The following CRACD variants were observed in gnomAD, a reference collection of about 807,000 sequenced individuals.
CRACD encodes the protein capping protein-inhibiting regulator of actin dynamics.
In CRACD, 56 loss-of-function variants were observed where a neutral mutation model predicts 106.8. The observed-to-expected ratio is 0.52, with a 90% confidence interval of 0.42 to 0.66. The LOEUF (loss-of-function observed/expected upper bound fraction) is 0.66. CRACD is among the 30% of genes least tolerant of loss of function. CRACD has a pLI of 0.00. For synonymous variants in CRACD, 754 were observed against 670.8 expected, an observed-to-expected ratio of 1.12 and a Z score of -1.92; for missense variants, 1,730 against 1,623.2, an observed-to-expected ratio of 1.07 and a Z score of -1.13.
chr4:56,061,696 T>C (rs1732284763), intron 1 of CRACD, among the ~76,000 whole-genome samples: 1 of 152,080 alleles, frequency 6.6e-6, no homozygotes, highest in African/African-American at 2.4e-5. Flanking sequence ...TACCATCAGA[T>C]TGTGATGAGT....
At chr4:56,234,756 G>T (rs1247480522) in intron 2 of CRACD, among the ~76,000 whole-genome samples, 1 of 152,128 alleles carries the variant, frequency 6.6e-6, no homozygotes, top group Non-Finnish European at 1.5e-5. Context: ...CTAGAAATTG[G>T]GAAACGGTGG....
intron 1 of CRACD, among the ~76,000 whole-genome samples, chr4:56,129,264 C>A (rs1011430951): frequency 1.3e-5 from 2 of 152,184 alleles, no homozygotes; most frequent in South Asian, 4.1e-4. Flanking sequence ...GATGGGGGCT[C>A]CCTAGGTTGC....
chr4:56,059,447 GC>G (rs1732195417), intron 1 of CRACD, among the ~76,000 whole-genome samples: 1 of 152,198 alleles, frequency 6.6e-6, no homozygotes, highest in Non-Finnish European at 1.5e-5. Context: ...CTGAACTCCA[GC>G]CTGCGTGACA....
chr4:56,298,496 A>C, intron 4 of CRACD, 147 bp downstream of exon 4: 1 of 972,978 alleles, frequency 1.0e-6, no homozygotes, highest in Non-Finnish European at 1.5e-6. Flanking sequence ...CTTGAATTCA[A>C]CTGTATTCTC....
intron 2 of CRACD, among the ~76,000 whole-genome samples, chr4:56,182,851 G>T (rs1736889847): frequency 7.3e-6 from 1 of 136,796 alleles, no homozygotes; most frequent in African/African-American, 2.9e-5. Flanking sequence ...ATACAACGTA[G>T]AAAAAAAAGA....
intron 2 of CRACD, among the ~76,000 whole-genome samples, chr4:56,268,483 A>T (rs1486661297): frequency 2.0e-5 from 3 of 152,172 alleles, no homozygotes; most frequent in Non-Finnish European, 2.9e-5. Context: ...AATTATTTTT[A>T]AAAAGATAGA....
At chr4:56,266,092 T>TATTGGATG (rs929220715) in intron 2 of CRACD, among the ~76,000 whole-genome samples, 2 of 152,028 alleles carry the variant, frequency 1.3e-5, no homozygotes, top group African/African-American at 4.8e-5. Flanking sequence ...CTGAAGTAAT[T>TATTGGATG]ATTGGATGAT....
chr4:56,050,666 A>G (rs1237883053), intron 1 of CRACD, among the ~76,000 whole-genome samples: 35 of 152,076 alleles, frequency 2.3e-4, no homozygotes, highest in Admixed American at 2.3e-3. Context: ...TGCCTATATG[A>G]AAAAAAATTT....
At chr4:56,238,627 A>G (rs967692980) in intron 2 of CRACD, among the ~76,000 whole-genome samples, 7 of 152,206 alleles carry the variant, frequency 4.6e-5, no homozygotes, top group Non-Finnish European at 8.8e-5. Context: ...CTGCCACGTC[A>G]TTTTAGGACT....
intron 1 of CRACD, among the ~76,000 whole-genome samples, chr4:56,065,467 G>A (rs946484808): frequency 6.6e-6 from 1 of 152,122 alleles, no homozygotes; most frequent in South Asian, 2.1e-4. Flanking sequence ...TGTTTGTGGG[G>A]CGAGGCTTCT....
chr4:56,111,203 G>A (rs73817336), intron 1 of CRACD, among the ~76,000 whole-genome samples: 5,515 of 152,170 alleles, frequency 0.036, 332 homozygotes, highest in African/African-American at 0.13. Context: ...GGATGTGGAC[G>A]GGGGTGGGGG....
chr4:56,234,361 A>G lies in CRACD; in HGVS notation c.-188-37960A>G, dbSNP rs549198124. On this transcript the variant is annotated intron_variant, in intron 2 of 10. Transcript: ENST00000682029. ...ATTACTCTGGCTTCTTTCACATAGC[A>G]TAATGTGAAGGTTCATCCATATTCT... 1.5e-3 allele frequency among the ~76,000 whole-genome samples: 222 copies of G among 152,336 alleles called. 1 individual carries two copies. The highest frequency in any genetic ancestry group is 4.5e-3 in the African/African-American group (187 of 41,580).
intron 2 of CRACD, among the ~76,000 whole-genome samples, chr4:56,208,607 A>C (rs1276286910): frequency 1.3e-5 from 2 of 152,226 alleles, no homozygotes; most frequent in Non-Finnish European, 2.9e-5. Flanking sequence ...ACTAAAATAC[A>C]CCTTAAAGAA....
intron 1 of CRACD, among the ~76,000 whole-genome samples, chr4:56,124,462 CT>C (rs979384895): frequency 6.6e-6 from 1 of 152,130 alleles, no homozygotes; most frequent in African/African-American, 2.4e-5. Flanking sequence ...GAACAGGACT[CT>C]TTTAAAATAT....
At chr4:56,249,286 A>G (rs1398640158) in intron 2 of CRACD, among the ~76,000 whole-genome samples, 3 of 145,702 alleles carry the variant, frequency 2.1e-5, no homozygotes, top group African/African-American at 7.8e-5. Flanking sequence ...GTGAGATGGT[A>G]TCTCATTGTG....
intron 1 of CRACD, among the ~76,000 whole-genome samples, chr4:56,093,384 G>A (rs1015362989): frequency 3.6e-4 from 55 of 152,176 alleles, no homozygotes; most frequent in Admixed American, 2.8e-3. Context: ...TTCATGACGC[G>A]TATTCATTTG....
chr4:56,310,805 T>A (rs1745112921), intron 6 of CRACD, 71 bp downstream of exon 6: 4 of 902,740 alleles, frequency 4.4e-6, no homozygotes, highest in Non-Finnish European at 6.9e-6. Context: ...CCCCTTTTTT[T>A]TTTTTGCGAC....
intron 4 of CRACD, among the ~76,000 whole-genome samples, chr4:56,301,871 T>C (rs904607061): frequency 7.2e-5 from 11 of 152,294 alleles, no homozygotes; most frequent in African/African-American, 1.7e-4. Flanking sequence ...CCATTTTTTT[T>C]CTAAAGATAA....
In CRACD at chr4:56,329,185, T is replaced by C. The variant is rs553881624; in HGVS notation, c.*1381T>C. Among the ~76,000 whole-genome samples the C allele has an allele frequency of 6.6e-6, 1 of 152,350 alleles. No individual in the cohort carries two copies. Among genetic ancestry groups the C allele is most frequent in the South Asian group, 2.1e-4 (1 of 4,832 alleles). ...GCCCTAAATTTACATGAAACAGACA[T>C]ACTGGCAAACTCACATATTGCTGGT... On this transcript the variant is annotated 3_prime_UTR_variant, in exon 11 of 11. Transcript: ENST00000682029.
Sources: gnomAD v4.1 joint callset for allele counts (sites outside exome capture counted in the v4.1 genomes callset) on GRCh38, gnomAD v4.1.1 for gene constraint, MANE v1.5 for transcripts, NCBI Gene and HGNC (gene_info 2026-07-23, HGNC 2026-07-21) for gene names.